The following ADAMTSL1 variants were observed in gnomAD, a reference collection of about 807,000 sequenced individuals.
ADAMTSL1 encodes ADAMTS like 1, also known as ADAMTS-like protein 1.
In ADAMTSL1, 126 loss-of-function variants were observed where a neutral mutation model predicts 201.8. The observed-to-expected ratio is 0.62, with a 90% CI of 0.54 to 0.72. ADAMTSL1 has a LOEUF of 0.72. ADAMTSL1 is among the 30% of genes least tolerant of loss of function. The pLI is 0.00. For missense variants in ADAMTSL1, 2,679 were observed against 2,277.8 expected (o/e 1.18, Z -3.59); for synonymous variants, 1,121 against 903.4 (o/e 1.24, Z -4.32).
At chr9:18,786,242 A>G (rs1821700454) in intron 19 of ADAMTSL1, among the ~76,000 whole-genome samples, 1 of 152,204 alleles carries the variant, frequency 6.6e-6, no homozygotes. Flanking sequence ...TTTAATCCCT[A>G]AGCCTGTTCC....
At chr9:18,384,255 G>A (rs1837688316) in intron 2 of ADAMTSL1, among the ~76,000 whole-genome samples, 1 of 152,050 alleles carries the variant, frequency 6.6e-6, no homozygotes, top group African/African-American at 2.4e-5. Context: ...CAAAACAGGA[G>A]AGACAGCGAG....
At chr9:18,392,052 C>A (rs1489637584) in intron 2 of ADAMTSL1, among the ~76,000 whole-genome samples, 2 of 151,936 alleles carry the variant, frequency 1.3e-5, no homozygotes, top group Admixed American at 6.6e-5. Context: ...TCTCGATCTC[C>A]TGACCTCGTG....
intron 20 of ADAMTSL1, among the ~76,000 whole-genome samples, chr9:18,812,230 C>T (rs954684366): frequency 2.6e-5 from 4 of 152,056 alleles, no homozygotes; most frequent in African/African-American, 4.8e-5. Context: ...GGGACAGACA[C>T]ATAGATCAGT....
chr9:18,001,990 G>C (rs998137941), intron 1 of ADAMTSL1, among the ~76,000 whole-genome samples: 2 of 151,936 alleles, frequency 1.3e-5, no homozygotes, highest in Admixed American at 1.3e-4. Flanking sequence ...GTGAGAAGGA[G>C]CTAAGGGCAG....
intron 2 of ADAMTSL1, among the ~76,000 whole-genome samples, chr9:18,233,292 A>G (rs1385647231): frequency 6.6e-6 from 1 of 152,248 alleles, no homozygotes; most frequent in African/African-American, 2.4e-5. Flanking sequence ...GGAAAGTGTA[A>G]GAATATGAAA....
chr9:18,050,087 T>A lies in ADAMTSL1; in HGVS notation c.88-113775T>A, dbSNP rs1791188414. On this transcript the variant is annotated intron_variant, in intron 1 of 29. Transcript: ENST00000680146. ...ATGACTTTAGTCATCCAGTGGAAAA[T>A]GTTAATGTTTGGATTTTCTTACAAC... Among the ~76,000 whole-genome samples, 3 of 152,184 alleles carry A rather than the reference T, an allele frequency of 2.0e-5. No homozygotes were observed. The South Asian group carries it at 6.2e-4, about 32-fold the overall frequency.
chr9:18,903,352 C>T (rs1830116770), intron 26 of ADAMTSL1, among the ~76,000 whole-genome samples: 1 of 151,944 alleles, frequency 6.6e-6, no homozygotes, highest in Non-Finnish European at 1.5e-5. Context: ...ACACCAAATA[C>T]AAAACAAACA....
chr9:18,237,724 A>G (rs1830903855), intron 2 of ADAMTSL1, among the ~76,000 whole-genome samples: 1 of 152,246 alleles, frequency 6.6e-6, no homozygotes, highest in South Asian at 2.1e-4. Context: ...ATTTGAAAAG[A>G]TTCTGTAACC....
At chr9:18,763,867 A>G (rs1466248375) in intron 16 of ADAMTSL1, among the ~76,000 whole-genome samples, 2 of 152,162 alleles carry the variant, frequency 1.3e-5, no homozygotes, top group Non-Finnish European at 1.5e-5. Flanking sequence ...TGCCAGTACT[A>G]TGCTATAGCT....
chr9:17,969,209 A>T (rs200431332), intron 1 of ADAMTSL1, among the ~76,000 whole-genome samples: 1 of 26,378 alleles, frequency 3.8e-5, no homozygotes, highest in Admixed American at 4.9e-4. Context: ...ATTGCCAGTT[A>T]AAAATCTAAT....
At chr9:18,319,797 A>T (rs7032264) in intron 2 of ADAMTSL1, among the ~76,000 whole-genome samples, 3 of 152,162 alleles carry the variant, frequency 2.0e-5, no homozygotes, top group Non-Finnish European at 2.9e-5. Flanking sequence ...CATCTTAATC[A>T]CCTGAATCTG....
intron 3 of ADAMTSL1, among the ~76,000 whole-genome samples, chr9:18,563,506 G>A (rs931974029): frequency 1.3e-5 from 2 of 152,194 alleles, no homozygotes; most frequent in Admixed American, 6.5e-5. Flanking sequence ...CCCACTTCAC[G>A]AGGCAGCCTG....
chr9:18,272,769 C>T (rs1010756840), intron 2 of ADAMTSL1, among the ~76,000 whole-genome samples: 69 of 152,124 alleles, frequency 4.5e-4, no homozygotes, highest in African/African-American at 1.6e-3. Context: ...CAGACCTGGC[C>T]CTCTCTTAAC....
chr9:18,427,753 C>T (rs2133387596), intron 2 of ADAMTSL1, among the ~76,000 whole-genome samples: 1 of 152,316 alleles, frequency 6.6e-6, no homozygotes, highest in East Asian at 1.9e-4. Context: ...TTTCCTAAAC[C>T]TTTCAATTAG....
At chr9:17,990,057 G>A (rs1819088369) in intron 1 of ADAMTSL1, among the ~76,000 whole-genome samples, 1 of 151,694 alleles carries the variant, frequency 6.6e-6, no homozygotes. Flanking sequence ...TGAAAAGCAG[G>A]ATTATTTAAA....
Position 18,910,690 on chromosome 9 carries a change from C to T in ADAMTSL1, c.*2142C>T, listed in dbSNP as rs1218897615. On this transcript the variant is annotated 3_prime_UTR_variant, in exon 29 of 29. Coordinates refer to ENST00000380548, the MANE Select transcript of ADAMTSL1 (RefSeq NM_001040272.6). ...GTCACTATTTACATTTCCTAAAGAG[C>T]AAGCATCCTCCAGCTCCATGTTGGG... 1.3e-5 allele frequency: 2 copies of T among 152,224 alleles called. No homozygotes were observed. 9.4% of individuals were successfully genotyped at this position (152,224 alleles called of 1,614,324 possible). A position where few individuals can be genotyped will look rare whatever the true frequency, so the allele number is the denominator to read the frequency against.
chr9:18,862,881 A>C (rs1023382745), intron 23 of ADAMTSL1, among the ~76,000 whole-genome samples: 10 of 152,190 alleles, frequency 6.6e-5, no homozygotes, highest in Non-Finnish European at 1.5e-4. Context: ...CTTTAAAAAA[A>C]ATGCTGATGT....
chr9:17,964,164 C>G (rs1358094635), intron 1 of ADAMTSL1, among the ~76,000 whole-genome samples: 1 of 152,030 alleles, frequency 6.6e-6, no homozygotes, highest in South Asian at 2.1e-4. Context: ...AAAAATAAAT[C>G]CTTCTGGGTA....
At chr9:18,377,834 C>G (rs182690061) in intron 2 of ADAMTSL1, among the ~76,000 whole-genome samples, 34 of 152,232 alleles carry the variant, frequency 2.2e-4, no homozygotes, top group Non-Finnish European at 3.8e-4. Flanking sequence ...TCCCAAAGTG[C>G]TGGGATTACA....
Sources: gnomAD v4.1 joint callset for allele counts (sites outside exome capture counted in the v4.1 genomes callset) on GRCh38, gnomAD v4.1.1 for gene constraint, MANE v1.5 for transcripts, NCBI Gene and HGNC (gene_info 2026-07-23, HGNC 2026-07-21) for gene names.